The following FAM149B1 variants were observed in gnomAD, a reference collection of about 807,000 sequenced individuals.
FAM149B1 encodes the protein primary cilium assembly protein FAM149B1.
A neutral mutation model predicts 75.3 loss-of-function variants in FAM149B1; 56 were observed. The ratio of observed to expected loss-of-function variants is 0.74; its 90% CI spans 0.60 to 0.93. FAM149B1 has a LOEUF of 0.93. Among genes scored for constraint, FAM149B1 ranks in the 40% least tolerant of loss-of-function variants. FAM149B1 has a pLI of 0.00. For missense variants in FAM149B1, 639 were observed against 708.4 expected, an observed-to-expected ratio of 0.90 and a Z score of 1.11; for synonymous variants, 259 against 256.1, an observed-to-expected ratio of 1.01 and a Z score of -0.11.
intron 3 of FAM149B1, among the ~76,000 whole-genome samples, chr10:73,186,705 A>C (rs180892454): frequency 6.6e-6 from 1 of 152,262 alleles, no homozygotes; most frequent in East Asian, 1.9e-4. Context: ...TCAGCCATAA[A>C]AATGAAAGAA....
intron 3 of FAM149B1, among the ~76,000 whole-genome samples, chr10:73,188,788 A>AG (rs1554854979): frequency 6.6e-6 from 1 of 151,098 alleles, no homozygotes; most frequent in East Asian, 2.0e-4. Flanking sequence ...GAAGGAAGGA[A>AG]GGAAGGAAGG....
chr10:73,231,525 G>C (rs1452915635), intron 9 of FAM149B1, among the ~76,000 whole-genome samples: 2 of 152,188 alleles, frequency 1.3e-5, no homozygotes, highest in African/African-American at 2.4e-5. Flanking sequence ...AGTGTAAATG[G>C]ATGGAGTGGA....
chr10:73,217,998 A>T (rs1275917017), intron 7 of FAM149B1, among the ~76,000 whole-genome samples: 2 of 152,114 alleles, frequency 1.3e-5, no homozygotes, highest in African/African-American at 4.8e-5. Context: ...CCTAGATGTA[A>T]TCTATTCAGT....
At chr10:73,212,411 G>A (rs2043205213) in intron 7 of FAM149B1, among the ~76,000 whole-genome samples, 2 of 152,136 alleles carry the variant, frequency 1.3e-5, no homozygotes, top group South Asian at 2.1e-4. Flanking sequence ...CTCCCGAGTA[G>A]CTGGGATTAC....
At chr10:73,170,018 CTA>C (rs1225364783) in intron 1 of FAM149B1, among the ~76,000 whole-genome samples, 1 of 136,952 alleles carries the variant, frequency 7.3e-6, no homozygotes, top group South Asian at 2.4e-4. Context: ...AATATATTAA[CTA>C]TTAATATTAA....
intron 6 of FAM149B1, 80 bp from the exon 7 acceptor site, chr10:73,210,171 T>G (rs1408971962): frequency 1.1e-5 from 10 of 886,464 alleles, no homozygotes; most frequent in Non-Finnish European, 1.5e-5. Context: ...AAGTGAATTT[T>G]CAGGTAATAC....
chr10:73,193,897 G>T (rs1263489363), intron 5 of FAM149B1, among the ~76,000 whole-genome samples: 1 of 152,196 alleles, frequency 6.6e-6, no homozygotes, highest in Non-Finnish European at 1.5e-5. Flanking sequence ...AGGCTGAGAA[G>T]TCCAAGGTCA....
intron 1 of FAM149B1, 89 bp from the exon 2 acceptor site, chr10:73,174,598 A>G: frequency 2.2e-6 from 2 of 908,234 alleles, no homozygotes; most frequent in Non-Finnish European, 3.5e-6. Context: ...TCCAGAGCAG[A>G]GGAAGTAGGT....
At chr10:73,209,880 AT>A (rs3841205) in intron 6 of FAM149B1, among the ~76,000 whole-genome samples, 30,389 of 149,264 alleles carry the variant, frequency 0.2, 5,489 homozygotes, top group African/African-American at 0.47. Context: ...TTCTGGATGC[AT>A]TTTTTTTTTC....
Position 73,233,120 on chromosome 10 carries a change from G to T in FAM149B1, c.1309G>T (p.Glu437Ter), listed in dbSNP as rs2043748617. Residue 437 changes from glutamate (E) to a stop codon, truncating the protein, a stop_gained, in exon 10 of 14, where the codon GAA (glutamate) becomes TAA (stop). Coordinates refer to ENST00000242505, the MANE Select transcript of FAM149B1 (RefSeq NM_173348.2). LOFTEE classifies it high-confidence loss of function. ...GATCAGCACGAGCCATTCATGTGCT[G>T]AAACACCAAGATCTGTGGAAGAAAT... ...HPISTSHSCA[E>*]TPRSVEEILR... 1 of 1,551,768 alleles carries T rather than the reference G, an allele frequency of 6.4e-7. No homozygotes were observed. The highest frequency in any genetic ancestry group is 2.4e-5 in the East Asian group (1 of 40,922).
intron 2 of FAM149B1, among the ~76,000 whole-genome samples, chr10:73,177,158 C>T (rs558900830): frequency 6.6e-5 from 10 of 151,830 alleles, no homozygotes; most frequent in Admixed American, 1.3e-4. Flanking sequence ...GAGCTGATTT[C>T]GCACCACTGC....
intron 5 of FAM149B1, among the ~76,000 whole-genome samples, chr10:73,204,530 C>A (rs2043006533): frequency 6.6e-6 from 1 of 152,178 alleles, no homozygotes; most frequent in South Asian, 2.1e-4. Context: ...TTTGGTTAAA[C>A]TGAGTTCCAT....
intron 1 of FAM149B1, among the ~76,000 whole-genome samples, chr10:73,173,524 C>G (rs938581542): frequency 6.6e-6 from 1 of 152,214 alleles, no homozygotes; most frequent in Non-Finnish European, 1.5e-5. Flanking sequence ...AACCATTAAT[C>G]TGTTCTCTAC....
At chr10:73,205,350 T>A (rs1435633077) in intron 5 of FAM149B1, among the ~76,000 whole-genome samples, 1 of 151,770 alleles carries the variant, frequency 6.6e-6, no homozygotes, top group African/African-American at 2.4e-5. Flanking sequence ...ACACACACAC[T>A]CTGTCTTTCT....
At chr10:73,235,079 A>G in intron 11 of FAM149B1, 114 bp from the exon 12 acceptor site, 4 of 1,448,302 alleles carry the variant, frequency 2.8e-6, no homozygotes, top group Non-Finnish European at 3.7e-6. Context: ...TATGACGTGG[A>G]ATTGGAGCTG....
rs150100627 is a variant in FAM149B1, at chr10:73,199,444, C to T, written c.542+5851C>T. Reference sequence around the variant, plus strand: ...GTGTTTGCCAGGATGGTCTCGATCTCCTGACCTCATGGTCCACCCTCCTCA... The same window carrying T: ...GTGTTTGCCAGGATGGTCTCGATCTTCTGACCTCATGGTCCACCCTCCTCA... On this transcript the variant is annotated intron_variant, in intron 5 of 13. Transcript: ENST00000242505. Among the ~76,000 whole-genome samples the T allele has an allele frequency of 3.9e-4, 60 of 152,220 alleles. 1 individual carries two copies. In the East Asian group the frequency reaches 0.011, roughly 28 times the overall value.
chr10:73,191,712 A>AAAAAGTAATATACACAGGGTTTTCC (rs1370872800), intron 3 of FAM149B1, among the ~76,000 whole-genome samples: 4 of 152,192 alleles, frequency 2.6e-5, no homozygotes, highest in Admixed American at 6.5e-5. Flanking sequence ...GATGCAGTAT[A>AAAAAGTAATATACACAGGGTTTTCC]AAAAGTAATA....
intron 5 of FAM149B1, among the ~76,000 whole-genome samples, chr10:73,207,425 G>A (rs2043091214): frequency 6.6e-6 from 1 of 152,092 alleles, no homozygotes; most frequent in South Asian, 2.1e-4. Context: ...TTAGCTGAGT[G>A]TAGTGGTGCT....
intron 9 of FAM149B1, chr10:73,230,956 T>G (rs1335382576): frequency 1.9e-5 from 3 of 154,514 alleles, no homozygotes; most frequent in African/African-American, 7.2e-5. Flanking sequence ...TTAGGAAAGA[T>G]AGCAGATCAC....
Sources: gnomAD v4.1 joint callset for allele counts (sites outside exome capture counted in the v4.1 genomes callset) on GRCh38, gnomAD v4.1.1 for gene constraint, MANE v1.5 for transcripts, NCBI Gene and HGNC (gene_info 2026-07-23, HGNC 2026-07-21) for gene names.